DPY19L3: variants seen among roughly 807,000 people sequenced by gnomAD.
The protein encoded by DPY19L3 is dpy-19 like C-mannosyltransferase 3, also known as protein C-mannosyl-transferase DPY19L3.
A neutral mutation model predicts 92.3 loss-of-function variants in DPY19L3; 51 were observed. The observed-to-expected ratio is 0.55, with a 90% confidence interval of 0.44 to 0.70. The LOEUF (loss-of-function observed/expected upper bound fraction) is 0.70, where lower values mean the gene tolerates loss of function less well. DPY19L3 is among the 30% of genes least tolerant of loss of function. The probability of loss-of-function intolerance (pLI) is 0.00; values close to 1 mark genes in which losing one functional copy is unlikely to be tolerated. For synonymous variants in DPY19L3, 309 were observed against 315.2 expected, an observed-to-expected ratio of 0.98 and a Z score of 0.21; for missense variants, 706 against 855.9, an observed-to-expected ratio of 0.82 and a Z score of 2.18.
intron 8 of DPY19L3, among the ~76,000 whole-genome samples, chr19:32,448,892 T>G (rs1285919698): frequency 6.6e-6 from 1 of 152,248 alleles, no homozygotes; most frequent in Non-Finnish European, 1.5e-5. Context: ...TGCTCAATTT[T>G]ACATTTTTGG....
At chr19:32,438,852 G>A (rs1969231518) in intron 6 of DPY19L3, 1 of 329,676 alleles carries the variant, frequency 3.0e-6, no homozygotes, top group African/African-American at 2.1e-5. Flanking sequence ...GAGTTTAGGA[G>A]TAAGGCTAAC....
At position 32,439,087 on chromosome 19, in the gene DPY19L3, G is replaced by A. The variant is rs763916909; in HGVS notation, c.597-25G>A. On this transcript the variant is annotated intron_variant, in intron 6 of 18. Coordinates refer to ENST00000392250, the MANE Select transcript of DPY19L3 (RefSeq NM_001172774.2). The stretch of plus-strand genomic sequence containing the variant: ...AATTATTGTAAAAACTATCACTTTG[G>A]CCATTTGTGTTTTCTTTTGTGCAGA... The A allele has an allele frequency of 2.5e-6, 4 of 1,585,148 alleles. No individual in the cohort carries two copies. In the South Asian group the frequency reaches 4.6e-5, roughly 18 times the overall value.
intron 3 of DPY19L3, among the ~76,000 whole-genome samples, chr19:32,430,289 G>A (rs1354468971): frequency 6.6e-6 from 1 of 151,940 alleles, no homozygotes; most frequent in East Asian, 1.9e-4. Context: ...CTTGGAAGCC[G>A]AGAGGATCAC....
chr19:32,480,441 G>T lies in DPY19L3; in HGVS notation c.1873G>T (p.Ala625Ser). 1.2e-6 allele frequency: 2 copies of T among 1,613,902 alleles called. No individual in the cohort carries two copies. Among genetic ancestry groups the T allele is most frequent in the Non-Finnish European group, 8.5e-7 (1 of 1,179,914 alleles). Reference sequence around the variant, plus strand: ...CAAGAGGGCACCAGAGGAAGTGCATGCCCTCCTAAGGTCCTTCGGCACTGA... The same window carrying T: ...CAAGAGGGCACCAGAGGAAGTGCATTCCCTCCTAAGGTCCTTCGGCACTGA... ...YAKRAPEEVH[A>S]LLRSFGTDYV... is the part of the protein sequence containing the mutation. The change falls in exon 18 of 19, where the codon GCC becomes TCC. Residue 625 changes from alanine (A) to serine (S), a missense_variant. By Grantham distance (99) the Ala-to-Ser change is moderately conservative. Coordinates refer to ENST00000392250, the MANE Select transcript of DPY19L3 (RefSeq NM_001172774.2).
rs139471576 is a variant in DPY19L3, at chr19:32,481,695, A to G, written c.1990-384A>G. 4.7e-3 allele frequency: 734 copies of G among 157,202 alleles called. 8 individuals carry two copies. Among genetic ancestry groups the G allele is most frequent in the African/African-American group, 0.016 (673 of 41,706 alleles). 9.7% of individuals were successfully genotyped at this position (157,202 alleles called of 1,614,324 possible). A position where few individuals can be genotyped will look rare whatever the true frequency, so the allele number is the denominator to read the frequency against. ...CTCCCAAAGTGCTGGGATTTCAGGCATGAGCCACCACGCCTGGCCTAAATG... is the reference window on the plus strand; with the variant it reads ...CTCCCAAAGTGCTGGGATTTCAGGCGTGAGCCACCACGCCTGGCCTAAATG... On this transcript the variant is annotated intron_variant, in intron 18 of 18. Transcript: ENST00000392250.
At chr19:32,421,110 T>C (rs2145430259) in intron 3 of DPY19L3, among the ~76,000 whole-genome samples, 1 of 152,338 alleles carries the variant, frequency 6.6e-6, no homozygotes, top group South Asian at 2.1e-4. Flanking sequence ...TTTATTCTCT[T>C]GATTATTCCA....
chr19:32,437,354 G>C lies in DPY19L3; in HGVS notation c.596+15G>C. 1 of 1,586,980 alleles carries C rather than the reference G, an allele frequency of 6.3e-7. No homozygotes were observed. The highest frequency in any genetic ancestry group is 8.6e-7 in the Non-Finnish European group (1 of 1,168,280). On this transcript the variant is annotated intron_variant, in intron 6 of 18. Transcript: ENST00000392250. ...GTCACAAATAGGTGAGTTGGAGTCAGTATGCTTCTTTTTTTTCCAAAATGT... is the reference window on the plus strand; with the variant it reads ...GTCACAAATAGGTGAGTTGGAGTCACTATGCTTCTTTTTTTTCCAAAATGT...
At chr19:32,432,603 A>G in intron 3 of DPY19L3, 113 bp from the exon 4 acceptor site, 1 of 848,196 alleles carries the variant, frequency 1.2e-6, no homozygotes, top group Admixed American at 3.0e-5. Context: ...TTGAGACTAT[A>G]TTTTCAGAGT....
chr19:32,407,722 A>C (rs1308516317), intron 1 of DPY19L3, among the ~76,000 whole-genome samples: 2 of 152,192 alleles, frequency 1.3e-5, no homozygotes, highest in African/African-American at 4.8e-5. Flanking sequence ...CTTCATGAAT[A>C]AATATGATTG....
chr19:32,473,643 G>T (rs975032335), intron 16 of DPY19L3, among the ~76,000 whole-genome samples: 1 of 152,062 alleles, frequency 6.6e-6, no homozygotes, highest in South Asian at 2.1e-4. Flanking sequence ...TTTTCCTTTG[G>T]CATTTGCCTT....
At chr19:32,470,621 C>T (rs922659391) in intron 16 of DPY19L3, among the ~76,000 whole-genome samples, 1 of 152,110 alleles carries the variant, frequency 6.6e-6, no homozygotes, top group Non-Finnish European at 1.5e-5. Context: ...AATAACATTT[C>T]TGGCTCTGAA....
At chr19:32,411,444 A>C in intron 3 of DPY19L3, 72 bp downstream of exon 3, 1 of 1,534,108 alleles carries the variant, frequency 6.5e-7, no homozygotes, top group Non-Finnish European at 9.0e-7. Context: ...TGGATGAATG[A>C]CCAAGGCAAC....
chr19:32,464,354 C>G (rs950194654), intron 14 of DPY19L3, among the ~76,000 whole-genome samples: 5 of 152,042 alleles, frequency 3.3e-5, no homozygotes, highest in African/African-American at 1.2e-4. Context: ...CCTATAAATG[C>G]AGTTTTGAAT....
At chr19:32,415,244 G>A (rs1349952363) in intron 3 of DPY19L3, among the ~76,000 whole-genome samples, 1 of 152,212 alleles carries the variant, frequency 6.6e-6, no homozygotes, top group African/African-American at 2.4e-5. Flanking sequence ...GCACATAGGA[G>A]TGGAAGCCTA....
At chr19:32,479,616 T>C in intron 17 of DPY19L3, 1 of 438,696 alleles carries the variant, frequency 2.3e-6, no homozygotes, top group South Asian at 1.6e-5. Flanking sequence ...AATCTAGCAC[T>C]CGAAATCAGG....
intron 12 of DPY19L3, 39 bp from the exon 13 acceptor site, chr19:32,463,327 G>C: frequency 6.2e-7 from 1 of 1,608,242 alleles, no homozygotes; most frequent in South Asian, 1.1e-5. Flanking sequence ...CTAAAATTAT[G>C]TTTCCAGCTT....
intron 16 of DPY19L3, among the ~76,000 whole-genome samples, chr19:32,473,385 G>T (rs1970411977): frequency 6.6e-6 from 1 of 152,196 alleles, no homozygotes; most frequent in East Asian, 1.9e-4. Flanking sequence ...ATGTCATTCA[G>T]TGGTTAAAAG....
chr19:32,448,700 G>A (rs1480330727), intron 8 of DPY19L3, among the ~76,000 whole-genome samples: 1 of 152,024 alleles, frequency 6.6e-6, no homozygotes, highest in Non-Finnish European at 1.5e-5. Flanking sequence ...GTACAGGAGG[G>A]GTTAGTCTTA....
chr19:32,428,741 T>C (rs144209132), intron 3 of DPY19L3, among the ~76,000 whole-genome samples: 281 of 152,330 alleles, frequency 1.8e-3, no homozygotes, highest in African/African-American at 6.4e-3. Context: ...GATCATTTAT[T>C]GTGAGCAGTC....
Sources: gnomAD v4.1 joint callset for allele counts (sites outside exome capture counted in the v4.1 genomes callset) on GRCh38, gnomAD v4.1.1 for gene constraint, MANE v1.5 for transcripts, NCBI Gene and HGNC (gene_info 2026-07-23, HGNC 2026-07-21) for gene names.